The following PAG1 variants were observed in gnomAD, a reference collection of about 807,000 sequenced individuals.
PAG1 encodes phosphoprotein associated with glycosphingolipid-enriched microdomains 1.
In PAG1, 23 loss-of-function variants were observed where a neutral mutation model predicts 31.7. The ratio of observed to expected loss-of-function variants is 0.73; its 90% CI spans 0.52 to 1.03. PAG1 has a LOEUF of 1.03. PAG1 is among the 50% of genes least tolerant of loss of function. The pLI, the probability that PAG1 is intolerant of heterozygous loss-of-function variation, is 0.00. For synonymous variants in PAG1, 214 were observed against 210.3 expected (o/e 1.02, Z -0.15); for missense variants, 473 against 540.7 (o/e 0.87, Z 1.24).
At chr8:81,107,554 A>C (rs774930995) in intron 1 of PAG1, among the ~76,000 whole-genome samples, 3 of 152,180 alleles carry the variant, frequency 2.0e-5, no homozygotes, top group Non-Finnish European at 4.4e-5. Flanking sequence ...TCTAGGCCTC[A>C]GTTGTCACTT....
rs537385040 is a variant in PAG1, at chr8:81,088,948, T to C, written c.-233-18778A>G. On this transcript the variant is annotated intron_variant, in intron 1 of 8. Transcript: ENST00000220597. ...TTGTTTTTAGCTTTTTGAGAAAGCA[T>C]TGTACTACATTCTTATTGTTCACTG... 2.0e-5 allele frequency among the ~76,000 whole-genome samples: 3 copies of C among 152,368 alleles called. No homozygotes were observed. In the South Asian group the frequency reaches 6.2e-4, roughly 32 times the overall value.
rs2130303737 is a variant in PAG1 at position 80,974,191 on chromosome 8, C to A, written c.*2353G>T. On this transcript the variant is annotated 3_prime_UTR_variant, in exon 9 of 9. Coordinates refer to ENST00000220597, the MANE Select transcript of PAG1 (RefSeq NM_018440.4). The stretch of plus-strand genomic sequence containing the variant: ...TTTTTTTTTACTTTAGAGATCATAC[C>A]TACTTTCCTGCCTTTTTGATAAGTA... 1 of 136,974 alleles carries A rather than the reference C, an allele frequency of 7.3e-6. No individual in the cohort carries two copies. Among genetic ancestry groups the A allele is most frequent in the African/African-American group, 2.8e-5 (1 of 36,252 alleles). The allele number at this position is 136,974 out of a possible 1,614,324, so 8.5% of individuals were successfully genotyped here.
intron 3 of PAG1, among the ~76,000 whole-genome samples, chr8:81,013,940 T>C (rs1000092408): frequency 6.6e-6 from 1 of 152,196 alleles, no homozygotes; most frequent in Admixed American, 6.5e-5. Context: ...AGTGCCAGTA[T>C]AAAGAACCAT....
intron 5 of PAG1, among the ~76,000 whole-genome samples, chr8:80,988,181 C>T (rs1212948018): frequency 6.6e-6 from 1 of 152,200 alleles, no homozygotes. Flanking sequence ...ATATCAATTC[C>T]CTTAGCTCAA....
intron 3 of PAG1, among the ~76,000 whole-genome samples, chr8:81,026,305 A>AC (rs778922176): frequency 1.7e-4 from 25 of 151,454 alleles, no homozygotes; most frequent in Non-Finnish European, 2.5e-4. Context: ...CGCAGATAGC[A>AC]CCGTTGTACT....
chr8:81,062,684 A>C (rs1808937188), intron 2 of PAG1, among the ~76,000 whole-genome samples: 1 of 132,488 alleles, frequency 7.5e-6, no homozygotes, highest in Non-Finnish European at 1.7e-5. Context: ...CTCTCAACAG[A>C]AATCTTTTTT....
At chr8:81,064,104 C>G (rs1198288709) in intron 2 of PAG1, among the ~76,000 whole-genome samples, 1 of 152,306 alleles carries the variant, frequency 6.6e-6, no homozygotes, top group African/African-American at 2.4e-5. Context: ...AGCTTCCACA[C>G]CGGGGTTGAC....
At chr8:80,992,705 C>T (rs1406196220) in intron 4 of PAG1, among the ~76,000 whole-genome samples, 2 of 152,308 alleles carry the variant, frequency 1.3e-5, no homozygotes, top group African/African-American at 2.4e-5. Context: ...ACAATCCCTC[C>T]GAAATCACGT....
chr8:81,044,710 A>C (rs1586184973), intron 2 of PAG1, among the ~76,000 whole-genome samples: 1 of 152,262 alleles, frequency 6.6e-6, no homozygotes, highest in Non-Finnish European at 1.5e-5. Flanking sequence ...CAGCCTCAGA[A>C]TCCTCCTCAC....
chr8:81,033,620 C>T (rs562682592), intron 2 of PAG1, among the ~76,000 whole-genome samples: 1 of 152,358 alleles, frequency 6.6e-6, no homozygotes, highest in East Asian at 1.9e-4. Context: ...TCTGTTACAT[C>T]TGGCTCTCTG....
At chr8:81,051,893 G>T (rs369553730) in intron 2 of PAG1, among the ~76,000 whole-genome samples, 141 of 152,264 alleles carry the variant, frequency 9.3e-4, no homozygotes, top group African/African-American at 3.2e-3. Flanking sequence ...CACTTTGGGA[G>T]GCTGAGGTGG....
intron 3 of PAG1, among the ~76,000 whole-genome samples, chr8:80,998,983 C>G (rs1807737059): frequency 6.6e-6 from 1 of 152,152 alleles, no homozygotes; most frequent in Non-Finnish European, 1.5e-5. Context: ...TTTGTGGGCT[C>G]TAAATTAACC....
chr8:81,035,069 G>T (rs1199686251), intron 2 of PAG1, among the ~76,000 whole-genome samples: 1 of 152,032 alleles, frequency 6.6e-6, no homozygotes, highest in African/African-American at 2.4e-5. Context: ...GGATTTTTGG[G>T]GCCCAGCTAT....
At chr8:81,041,453 C>T (rs1808553245) in intron 2 of PAG1, among the ~76,000 whole-genome samples, 1 of 152,154 alleles carries the variant, frequency 6.6e-6, no homozygotes, top group Admixed American at 6.5e-5. Flanking sequence ...CCAGGAGGAA[C>T]CAACACCAGG....
chr8:81,076,148 A>T (rs1446580038), intron 1 of PAG1, among the ~76,000 whole-genome samples: 2 of 152,198 alleles, frequency 1.3e-5, no homozygotes, highest in African/African-American at 2.4e-5. Flanking sequence ...GCCAGCAATG[A>T]CTTCTTATCT....
intron 1 of PAG1, among the ~76,000 whole-genome samples, chr8:81,089,322 C>A (rs1027929378): frequency 6.6e-6 from 1 of 152,188 alleles, no homozygotes; most frequent in Non-Finnish European, 1.5e-5. Flanking sequence ...GTAATCCCAG[C>A]ACTTTGGGGG....
intron 3 of PAG1, among the ~76,000 whole-genome samples, chr8:81,005,323 T>C (rs868311102): frequency 6.6e-6 from 1 of 152,198 alleles, no homozygotes; most frequent in East Asian, 1.9e-4. Context: ...TATGTATTTA[T>C]ATACTCCAAT....
intron 2 of PAG1, among the ~76,000 whole-genome samples, chr8:81,068,383 T>C (rs1484684663): frequency 6.6e-6 from 1 of 152,224 alleles, no homozygotes; most frequent in Non-Finnish European, 1.5e-5. Flanking sequence ...CTGAATCTAC[T>C]TCCACTGTGG....
Position 81,020,307 on chromosome 8 carries a change from G to C in PAG1, c.-81+9689C>G, listed in dbSNP as rs576874866. Among the ~76,000 whole-genome samples, 6 of 152,288 alleles carry C rather than the reference G, an allele frequency of 3.9e-5. No individual in the cohort carries two copies. The South Asian group carries it at 6.2e-4, about 16-fold the overall frequency. ...GATTGGTTTTGAAATGTGAGGACAT[G>C]AGATTTGGGAGGGGCCAGGGGTAGA... is the stretch of plus-strand genomic sequence containing the variant. On this transcript the variant is annotated intron_variant, in intron 3 of 8. Coordinates refer to ENST00000220597, the MANE Select transcript of PAG1 (RefSeq NM_018440.4).
Sources: gnomAD v4.1 joint callset for allele counts (sites outside exome capture counted in the v4.1 genomes callset) on GRCh38, gnomAD v4.1.1 for gene constraint, MANE v1.5 for transcripts, NCBI Gene and HGNC (gene_info 2026-07-23, HGNC 2026-07-21) for gene names.